The following STAB2 variants were observed in gnomAD, a reference collection of about 807,000 sequenced individuals.
The protein encoded by STAB2 is stabilin-2.
Under a neutral mutation model 338.1 loss-of-function variants are expected in STAB2, and 288 were observed. The observed-to-expected ratio is 0.85, with a 90% CI of 0.77 to 0.94. The LOEUF (loss-of-function observed/expected upper bound fraction) is 0.94, where lower values mean the gene tolerates loss of function less well. Among genes scored for constraint, STAB2 ranks in the 40% least tolerant of loss-of-function variants. The pLI, the probability that STAB2 is intolerant of heterozygous loss-of-function variation, is 0.00. For missense variants in STAB2, 3,141 were observed against 3,210.1 expected (o/e 0.98, Z 0.52); for synonymous variants, 1,202 against 1,193.3 (o/e 1.01, Z -0.15).
At chr12:103,601,276 A>G (rs542351861) in intron 3 of STAB2, among the ~76,000 whole-genome samples, 1 of 151,280 alleles carries the variant, frequency 6.6e-6, no homozygotes, top group African/African-American at 2.4e-5. Context: ...CAAAAGAGGA[A>G]AAAAAAAAGG....
chr12:103,765,535 A>C (rs569676628), intron 68 of STAB2, among the ~76,000 whole-genome samples: 1 of 152,342 alleles, frequency 6.6e-6, no homozygotes, highest in South Asian at 2.1e-4. Context: ...TCAGAGCTAA[A>C]GTCAGCAGAA....
intron 33 of STAB2, 24 bp downstream of exon 33, chr12:103,695,868 G>T: frequency 6.2e-7 from 1 of 1,603,536 alleles, no homozygotes; most frequent in South Asian, 1.1e-5. Flanking sequence ...ACTATAACTA[G>T]GGAAGTTATT....
chr12:103,681,543 C>T (rs1359551666), intron 25 of STAB2, among the ~76,000 whole-genome samples: 1 of 151,842 alleles, frequency 6.6e-6, no homozygotes, highest in Non-Finnish European at 1.5e-5. Context: ...GGACACATCA[C>T]CCTGATCTCT....
At position 103,693,715 on chromosome 12, in the gene STAB2, G is replaced by T. The variant is rs968347155; in HGVS notation, c.3375+826G>T. 3.4e-4 allele frequency among the ~76,000 whole-genome samples: 51 copies of T among 151,970 alleles called. 1 individual carries two copies. The highest frequency in any genetic ancestry group is 1.2e-3 in the African/African-American group (49 of 41,344). On this transcript the variant is annotated intron_variant, in intron 31 of 68. Transcript: ENST00000388887. Reference sequence around the variant, plus strand: ...AGGAAAAAAAGAATAATGAGAAATGGGATTGTAAGCTACCCTGCAATTTTC... The same window carrying T: ...AGGAAAAAAAGAATAATGAGAAATGTGATTGTAAGCTACCCTGCAATTTTC...
chr12:103,655,721 A>C, intron 15 of STAB2, 140 bp downstream of exon 15: 1 of 996,932 alleles, frequency 1.0e-6, no homozygotes, highest in Non-Finnish European at 1.4e-6. Flanking sequence ...CAAGGCAGGC[A>C]TCACTAATCA....
Position 103,766,158 on chromosome 12 carries a change from C to T in STAB2, c.7606-128C>T, listed in dbSNP as rs114592175. ...AACACAAGGCAGCAGCACAAACAAACACGCCCAGCACATACGTGTTCACAG... is the reference window on the plus strand; with the variant it reads ...AACACAAGGCAGCAGCACAAACAAATACGCCCAGCACATACGTGTTCACAG... On this transcript the variant is annotated intron_variant, in intron 68 of 68. Coordinates refer to ENST00000388887, the MANE Select transcript of STAB2 (RefSeq NM_017564.10). The T allele has an allele frequency of 0.015, 18,756 of 1,284,156 alleles. 969 individuals carry two copies. In the East Asian group the frequency reaches 0.16, roughly 11 times the overall value. 79.5% of individuals were successfully genotyped at this position (1,284,156 alleles called of 1,614,324 possible).
In STAB2 at chr12:103,732,938, G is replaced by A; in HGVS notation, c.5284-68G>A. 1.9e-6 allele frequency: 3 copies of A among 1,562,670 alleles called. No homozygotes were observed. The South Asian group carries it at 3.6e-5, about 19-fold the overall frequency. On this transcript the variant is annotated intron_variant, in intron 50 of 68. Coordinates refer to ENST00000388887, the MANE Select transcript of STAB2 (RefSeq NM_017564.10). ...TTGAGCATGGAGGAGAATCCTCAGA[G>A]ACAGAACCCCTGCCCACATGTCTGG... is the stretch of plus-strand genomic sequence containing the variant.
At chr12:103,630,123 CA>C (rs2138661924) in intron 5 of STAB2, among the ~76,000 whole-genome samples, 1 of 152,196 alleles carries the variant, frequency 6.6e-6, no homozygotes, top group South Asian at 2.1e-4. Flanking sequence ...CTTTGCTAAT[CA>C]AATGAAATGA....
At chr12:103,693,231 A>G (rs1270834663) in intron 31 of STAB2, among the ~76,000 whole-genome samples, 3 of 152,004 alleles carry the variant, frequency 2.0e-5, no homozygotes, top group Non-Finnish European at 4.4e-5. Context: ...AGGTAGGAGG[A>G]TTGCTTGAGC....
intron 45 of STAB2, among the ~76,000 whole-genome samples, chr12:103,725,590 G>C (rs891360734): frequency 1.3e-5 from 2 of 151,930 alleles, no homozygotes; most frequent in Admixed American, 1.3e-4. Context: ...ACACGTGTGT[G>C]TGCATGTGTG....
At chr12:103,704,155 T>G (rs938976962) in intron 35 of STAB2, among the ~76,000 whole-genome samples, 1 of 152,236 alleles carries the variant, frequency 6.6e-6, no homozygotes, top group African/African-American at 2.4e-5. Context: ...TGTTTTGTAA[T>G]AGCATGTATT....
chr12:103,737,632 A>C lies in STAB2; in HGVS notation c.5551-2A>C. ...TTTTTTTTTTTTTTTTTTCTTTCTT[A>C]GGGTGACCTCTTTCTGAATGGCCAA... On this transcript the variant is annotated splice_acceptor_variant, in intron 52 of 68. Coordinates refer to ENST00000388887, the MANE Select transcript of STAB2 (RefSeq NM_017564.10). LOFTEE classifies it high-confidence loss of function. The C allele has an allele frequency of 3.9e-6, 3 of 764,746 alleles. No individual in the cohort carries two copies. Among genetic ancestry groups the C allele is most frequent in the East Asian group, 4.6e-5 (1 of 21,616 alleles). 47.4% of individuals were successfully genotyped at this position (764,746 alleles called of 1,614,324 possible). A position where few individuals can be genotyped will look rare whatever the true frequency, so the allele number is the denominator to read the frequency against.
chr12:103,646,708 A>C (rs1297196393), intron 9 of STAB2, among the ~76,000 whole-genome samples: 3 of 152,228 alleles, frequency 2.0e-5, no homozygotes, highest in African/African-American at 7.2e-5. Context: ...TAGAATTAAG[A>C]AGGTACTTAA....
intron 3 of STAB2, among the ~76,000 whole-genome samples, chr12:103,612,486 G>A (rs1210772899): frequency 6.6e-6 from 1 of 152,158 alleles, no homozygotes; most frequent in Non-Finnish European, 1.5e-5. Context: ...ATTGGCTACT[G>A]AAGCTTGTGC....
At chr12:103,692,654 G>T (rs1025703399) in intron 30 of STAB2, among the ~76,000 whole-genome samples, 158 bp from the exon 31 acceptor site, 1 of 151,892 alleles carries the variant, frequency 6.6e-6, no homozygotes, top group African/African-American at 2.4e-5. Flanking sequence ...AGAGAGAGGG[G>T]TCTATGGGAC....
intron 9 of STAB2, among the ~76,000 whole-genome samples, chr12:103,641,108 C>T (rs1446108526): frequency 6.6e-6 from 1 of 152,228 alleles, no homozygotes; most frequent in Admixed American, 6.5e-5. Context: ...GAGCTCAAAA[C>T]CACAATCAAC....
intron 3 of STAB2, among the ~76,000 whole-genome samples, chr12:103,608,549 T>C (rs1957070443): frequency 6.6e-6 from 1 of 152,222 alleles, no homozygotes; most frequent in Non-Finnish European, 1.5e-5. Context: ...TTTGTTCTTG[T>C]AAATTTGTTT....
At position 103,648,670 on chromosome 12, in the gene STAB2, T is replaced by C; in HGVS notation, c.1041-20T>C. The C allele has an allele frequency of 5.0e-6, 8 of 1,611,286 alleles. No individual in the cohort carries two copies. Among genetic ancestry groups the C allele is most frequent in the Non-Finnish European group, 6.8e-6 (8 of 1,178,678 alleles). On this transcript the variant is annotated intron_variant, in intron 9 of 68. Transcript: ENST00000388887. ...CAATGGCTCTAAAACCCTGAGGATG[T>C]CTTTTCCCCCTCTCTGTAGATGCAT...
At chr12:103,636,461 T>TA (rs969380141) in intron 6 of STAB2, among the ~76,000 whole-genome samples, 18 of 151,398 alleles carry the variant, frequency 1.2e-4, no homozygotes, top group Admixed American at 4.0e-4. Flanking sequence ...GCCCATTTTT[T>TA]AAAAAAAATA....
Sources: allele counts gnomAD v4.1 joint callset (sites outside exome capture counted in the v4.1 genomes callset), GRCh38; gene constraint gnomAD v4.1.1; transcripts MANE v1.5; gene names NCBI Gene and HGNC (gene_info 2026-07-23, HGNC 2026-07-21).